The following PCDHGA7 variants were observed in gnomAD, a reference collection of about 807,000 sequenced individuals.
The protein encoded by PCDHGA7 is protocadherin gamma subfamily A, 7.
PCDHGA7 carries 44 observed loss-of-function variants against 58.3 expected under a neutral mutation model. The observed-to-expected ratio is 0.75, with a 90% confidence interval of 0.59 to 0.97. The LOEUF (loss-of-function observed/expected upper bound fraction) is 0.97. Ranked by LOEUF, PCDHGA7 falls within the 50% of genes least tolerant of loss-of-function variation. The pLI is 0.00. For synonymous variants in PCDHGA7, 516 were observed against 504.2 expected (o/e 1.02, Z -0.31); for missense variants, 1,266 against 1,188.7 (o/e 1.06, Z -0.96).
intron 1 of PCDHGA7, chr5:141,399,778 C>A (rs187080333): frequency 6.2e-7 from 1 of 1,613,250 alleles, no homozygotes; most frequent in African/African-American, 1.3e-5. Context: ...GGTGGGCGAC[C>A]GAAACGACAA....
rs2099713635 is a variant in PCDHGA7, at chr5:141,491,418, T to C, written c.2425-3389T>C. The C allele has an allele frequency of 6.2e-7, 1 of 1,613,796 alleles. No individual in the cohort carries two copies. Among genetic ancestry groups the C allele is most frequent in the Non-Finnish European group, 8.5e-7 (1 of 1,179,944 alleles). On this transcript the variant is annotated intron_variant, in intron 1 of 3. Transcript: ENST00000518325. The surrounding 1 kb of genome is among the most constrained non-coding windows in gnomAD (Gnocchi z 6.9). The stretch of plus-strand genomic sequence containing the variant: ...AGGGAAACGCAGACGGGGACGGGGG[T>C]GGAGGGCAGTGCTGCAGGCGCCAGG...
intron 1 of PCDHGA7, among the ~76,000 whole-genome samples, chr5:141,407,382 A>G (rs1158380926): frequency 6.6e-6 from 1 of 152,218 alleles, no homozygotes; most frequent in Non-Finnish European, 1.5e-5. Context: ...GAAGGCTTGT[A>G]TGTCATGGTA....
intron 1 of PCDHGA7, among the ~76,000 whole-genome samples, chr5:141,444,463 G>T (rs570185430): frequency 6.6e-6 from 1 of 152,144 alleles, no homozygotes; most frequent in Admixed American, 6.5e-5. Flanking sequence ...GAGTCACTGC[G>T]CCCGGTCGCG....
intron 1 of PCDHGA7, chr5:141,427,795 C>A: frequency 6.7e-7 from 1 of 1,499,260 alleles, no homozygotes; most frequent in Non-Finnish European, 9.2e-7. Context: ...TCCTACGTGT[C>A]CGTGAGCGCA....
intron 1 of PCDHGA7, chr5:141,414,886 C>T (rs374779316): frequency 1.4e-5 from 22 of 1,614,120 alleles, no homozygotes; most frequent in African/African-American, 2.7e-5. Context: ...GTACCCCGCC[C>T]TCCCCACAGA....
chr5:141,400,501 G>A lies in PCDHGA7; in HGVS notation c.2424+15178G>A, dbSNP rs574905149. 3.4e-5 allele frequency: 55 copies of A among 1,613,996 alleles called. 1 individual carries two copies. The East Asian group carries it at 1.1e-3, about 33-fold the overall frequency. On this transcript the variant is annotated intron_variant, in intron 1 of 3. Coordinates refer to ENST00000518325, the MANE Select transcript of PCDHGA7 (RefSeq NM_018920.4). ...CTTATTTCCACTTTGTAATTCCAGC[G>A]AGTCGACTTCCCATCCTGAGTTGGT... is the stretch of plus-strand genomic sequence containing the variant.
intron 1 of PCDHGA7, chr5:141,421,577 T>C (rs1385519860): frequency 1.4e-5 from 22 of 1,613,748 alleles, no homozygotes; most frequent in Non-Finnish European, 1.5e-5. Context: ...ACCTTGAAGA[T>C]TTACGGAGTG....
chr5:141,409,867 C>A (rs376725837), intron 1 of PCDHGA7: 201 of 1,612,544 alleles, frequency 1.2e-4, no homozygotes, highest in Middle Eastern at 8.2e-4. Context: ...TGGGAGACCG[C>A]AATGACAACG....
rs116716465 is a variant in PCDHGA7, at chr5:141,484,286, C to T, written c.2425-10521C>T. ...GATTCTTTACTGTTTTGAAACATCTCCCTCTCCTGGCTTCCTCCACCCCGC... is the reference window on the plus strand; with the variant it reads ...GATTCTTTACTGTTTTGAAACATCTTCCTCTCCTGGCTTCCTCCACCCCGC... On this transcript the variant is annotated intron_variant, in intron 1 of 3. Coordinates refer to ENST00000518325, the MANE Select transcript of PCDHGA7 (RefSeq NM_018920.4). 8.3e-3 allele frequency among the ~76,000 whole-genome samples: 1,266 copies of T among 152,294 alleles called. 10 individuals carry two copies. The highest frequency in any genetic ancestry group is 0.014 in the Non-Finnish European group (936 of 68,022).
chr5:141,472,364 AC>A (rs2099278314), intron 1 of PCDHGA7, among the ~76,000 whole-genome samples: 1 of 151,866 alleles, frequency 6.6e-6, no homozygotes, highest in Non-Finnish European at 1.5e-5. Flanking sequence ...ACACGGTGAA[AC>A]CCCGTCTCCA....
At chr5:141,438,834 T>A (rs915381229) in intron 1 of PCDHGA7, among the ~76,000 whole-genome samples, 5 of 150,606 alleles carry the variant, frequency 3.3e-5, no homozygotes, top group South Asian at 2.1e-4. Context: ...GCTAATTTTT[T>A]AAAATATTTT....
chr5:141,418,439 T>C (rs1284999606), intron 1 of PCDHGA7: 1 of 1,613,812 alleles, frequency 6.2e-7, no homozygotes, highest in Non-Finnish European at 8.5e-7. Flanking sequence ...ATATCCAGAA[T>C]TAGTATTGCA....
At chr5:141,494,455 G>A (rs906714175) in intron 1 of PCDHGA7, among the ~76,000 whole-genome samples, 2 of 152,156 alleles carry the variant, frequency 1.3e-5, no homozygotes, top group African/African-American at 4.8e-5. Flanking sequence ...AGGGGGCTTT[G>A]TCTGCACCTC....
Position 141,431,953 on chromosome 5 carries a change from C to G in PCDHGA7, c.2424+46630C>G. 1.2e-6 allele frequency: 2 copies of G among 1,614,082 alleles called. No individual in the cohort carries two copies. Among genetic ancestry groups the G allele is most frequent in the East Asian group, 4.5e-5 (2 of 44,886 alleles). ...TGCCCTTTAAATTAGAAAAATCTTA[C>G]GGAAATTACTATAGTTTAGTCACAG... On this transcript the variant is annotated intron_variant, in intron 1 of 3. Transcript: ENST00000518325. The surrounding 1 kb of genome is among the most constrained non-coding windows in gnomAD (Gnocchi z 4.8).
rs2099415271 is a variant in PCDHGA7, at chr5:141,477,659, G to A, written c.2425-17148G>A. 6.2e-7 allele frequency: 1 copy of A among 1,614,194 alleles called. No individual in the cohort carries two copies. The highest frequency in any genetic ancestry group is 1.3e-5 in the African/African-American group (1 of 75,046). ...GGGTCGCTATTTCACAATAAATCGT[G>A]ACAATGGCATAGTGTCATCCTTAGT... On this transcript the variant is annotated intron_variant, in intron 1 of 3. Transcript: ENST00000518325. The surrounding 1 kb of genome is among the most constrained non-coding windows in gnomAD (Gnocchi z 4.9).
intron 1 of PCDHGA7, chr5:141,419,150 C>T (rs1276109093): frequency 1.2e-6 from 2 of 1,613,850 alleles, no homozygotes; most frequent in Admixed American, 3.3e-5. Flanking sequence ...GGGCAAGCCT[C>T]CGTTATCCTC....
chr5:141,480,265 A>G (rs1041908141), intron 1 of PCDHGA7, among the ~76,000 whole-genome samples: 2 of 151,784 alleles, frequency 1.3e-5, no homozygotes, highest in African/African-American at 2.4e-5. Context: ...ATGTGTTTTC[A>G]TTAGCTGGGT....
intron 1 of PCDHGA7, among the ~76,000 whole-genome samples, chr5:141,406,564 C>T (rs1475993893): frequency 6.6e-6 from 1 of 152,164 alleles, no homozygotes; most frequent in African/African-American, 2.4e-5. Flanking sequence ...CACTTCCAAA[C>T]CCTAGTAAAC....
At chr5:141,484,877 G>T in intron 1 of PCDHGA7, 1 of 338,660 alleles carries the variant, frequency 3.0e-6, no homozygotes, top group Non-Finnish European at 5.4e-6. Context: ...GTGGAGGATA[G>T]GGTGGGCTTT....
Sources: gnomAD v4.1 joint callset for allele counts (sites outside exome capture counted in the v4.1 genomes callset) on GRCh38, gnomAD v4.1.1 for gene constraint, Gnocchi (gnomAD v3.1) non-coding constraint, MANE v1.5 for transcripts, NCBI Gene and HGNC (gene_info 2026-07-23, HGNC 2026-07-21) for gene names.